The following RASGRF1 variants were observed in gnomAD, a reference collection of about 807,000 sequenced individuals.
RASGRF1 encodes Ras protein specific guanine nucleotide releasing factor 1, also known as ras-specific guanine nucleotide-releasing factor 1.
A neutral mutation model predicts 138.7 loss-of-function variants in RASGRF1; 40 were observed. The ratio of observed to expected loss-of-function variants is 0.29; its 90% confidence interval spans 0.22 to 0.38. The LOEUF (loss-of-function observed/expected upper bound fraction) is 0.38, where lower values mean the gene tolerates loss of function less well. Ranked by LOEUF, RASGRF1 falls within the 10% of genes least tolerant of loss-of-function variation. RASGRF1 has a pLI of 1.00. For missense variants in RASGRF1, 1,108 were observed against 1,650.4 expected, an observed-to-expected ratio of 0.67 and a Z score of 5.69; for synonymous variants, 614 against 663.2, an observed-to-expected ratio of 0.93 and a Z score of 1.14.
At position 78,962,225 on chromosome 15, in the gene RASGRF1, A is replaced by G. The variant is rs769619521; in HGVS notation, c.3693T>C (p.Tyr1231=). 14 of 1,566,002 alleles carry G rather than the reference A, an allele frequency of 8.9e-6. No homozygotes were observed. In the African/African-American group the frequency reaches 1.9e-4, roughly 21 times the overall value. The change falls in exon 27 of 27, where the codon TAT becomes TAC. Residue 1231 remains tyrosine, a synonymous_variant. Transcript: ENST00000558480. ...KIEHQAKVTQ[Y]LLDQSFVMDE... ...CCATTACAAAAGATTGGTCCAGTAA[A>G]TATTGCGTTACCTGAGAAAAGAAAA...
intron 1 of RASGRF1, among the ~76,000 whole-genome samples, chr15:79,072,142 C>T (rs2057765116): frequency 6.6e-6 from 1 of 152,082 alleles, no homozygotes; most frequent in Admixed American, 6.6e-5. Flanking sequence ...CAGCTCAGCT[C>T]CCTGGAGCTC....
At chr15:79,026,892 G>A (rs570974329) in intron 9 of RASGRF1, among the ~76,000 whole-genome samples, 12 of 152,186 alleles carry the variant, frequency 7.9e-5, no homozygotes, top group Non-Finnish European at 1.5e-4. Context: ...TCACAGGGTG[G>A]GCCTGGGGAA....
Position 79,090,451 on chromosome 15 carries a change from T to C in RASGRF1, c.48A>G (p.Gly16=), listed in dbSNP as rs1275861745. The change falls in exon 1 of 27, where the codon GGA becomes GGG. Residue 16 remains glycine (G), a synonymous_variant. Transcript: ENST00000558480. The part of the protein sequence containing the change: ...RLNDGHVASL[G]LLARKDGTRK... Reference sequence around the variant, plus strand: ...GCGTGCCGTCCTTGCGCGCCAGCAGTCCCAGGGACGCGACGTGGCCATCAT... The same window carrying C: ...GCGTGCCGTCCTTGCGCGCCAGCAGCCCCAGGGACGCGACGTGGCCATCAT... 1 of 1,612,974 alleles carries C rather than the reference T, an allele frequency of 6.2e-7. No homozygotes were observed. Among genetic ancestry groups the C allele is most frequent in the South Asian group, 1.1e-5 (1 of 91,080 alleles).
At chr15:78,992,470 T>A (rs3784528) in intron 20 of RASGRF1, among the ~76,000 whole-genome samples, 40,981 of 151,946 alleles carry the variant, frequency 0.27, 5,647 homozygotes, top group African/African-American at 0.33. Flanking sequence ...GATGGATGAG[T>A]GGTGGACATA....
At chr15:78,965,946 G>A (rs947393393) in intron 26 of RASGRF1, among the ~76,000 whole-genome samples, 9 of 152,148 alleles carry the variant, frequency 5.9e-5, no homozygotes, top group African/African-American at 1.9e-4. Context: ...GTGTTCCCTG[G>A]TCGACTGAGA....
Position 78,978,220 on chromosome 15 carries a change from G to GTTTT in RASGRF1, c.3494+2396_3494+2399dup, listed in dbSNP as rs71148584. On this transcript the variant is annotated intron_variant, in intron 24 of 26. Coordinates refer to ENST00000558480, the MANE Select transcript of RASGRF1 (RefSeq NM_001145648.3). Reference sequence around the variant, plus strand: ...CTTCTTTTTCTTTTTCTTTTCTTTTGTTTTTTTTTTTTTTTTTTTTTTTTG... The same window carrying GTTTT: ...CTTCTTTTTCTTTTTCTTTTCTTTTGTTTTTTTTTTTTTTTTTTTTTTTTTTTTG... 1.6e-3 allele frequency among the ~76,000 whole-genome samples: 198 copies of GTTTT among 125,054 alleles called. 1 individual carries two copies. The highest frequency in any genetic ancestry group is 3.9e-3 in the African/African-American group (98 of 24,816). The allele number at this position is 125,054 out of a possible 152,430, so 82.0% of individuals were successfully genotyped here. A position where few individuals can be genotyped will look rare whatever the true frequency, so the allele number is the denominator to read the frequency against.
chr15:79,077,209 G>A (rs910778970), intron 1 of RASGRF1, among the ~76,000 whole-genome samples: 3 of 152,174 alleles, frequency 2.0e-5, no homozygotes, highest in South Asian at 2.1e-4. Context: ...GGGCCCTGGG[G>A]TTGTGGGGTC....
At position 79,003,935 on chromosome 15, in the gene RASGRF1, G is replaced by A. The variant is rs2056608128; in HGVS notation, c.2316C>T (p.Ala772=). 3 of 1,614,224 alleles carry A rather than the reference G, an allele frequency of 1.9e-6. No homozygotes were observed. The South Asian group carries it at 3.3e-5, about 18-fold the overall frequency. Residue 772 remains alanine, a synonymous_variant, in exon 15 of 27, where the codon GCC becomes GCT. Coordinates refer to ENST00000558480, the MANE Select transcript of RASGRF1 (RefSeq NM_001145648.3). ...NSNGYTSMYS[A]MSPFSKATLD... ...GCGTGGCCTTGCTGAAGGGTGACAT[G>A]GCCGAGTACATGCTGGTGTAGCCAT...
intron 3 of RASGRF1, among the ~76,000 whole-genome samples, chr15:79,055,453 G>C (rs768327154): frequency 4.6e-5 from 7 of 152,126 alleles, no homozygotes; most frequent in Non-Finnish European, 1.0e-4. Context: ...TGGCCAGAAA[G>C]CTTTCCCAAG....
At chr15:79,064,581 G>A (rs1356247365) in intron 1 of RASGRF1, 55 bp from the exon 2 acceptor site, 1 of 1,525,316 alleles carries the variant, frequency 6.6e-7, no homozygotes, top group Non-Finnish European at 9.1e-7. Context: ...GACCAACAAC[G>A]ACTCTTGCAA....
In RASGRF1 at chr15:79,090,276, G is replaced by A. The variant is rs781512504; in HGVS notation, c.223C>T (p.Arg75Cys). ...LYLLEGCVCDRAPSPKPALSA... is the reference protein window; with the variant it reads ...LYLLEGCVCDCAPSPKPALSA... ...AGCGCCGGCTTGGGGGAGGGCGCGC[G>A]GTCGCAGACGCAGCCCTCCAGCAGG... Residue 75 changes from arginine (R) to cysteine (C), a missense_variant, in exon 1 of 27, where the codon CGC (arginine) becomes TGC (cysteine). By Grantham distance (180) the Arg-to-Cys change is radical. Transcript: ENST00000558480. The A allele has an allele frequency of 6.2e-7, 1 of 1,611,828 alleles. No individual in the cohort carries two copies. The highest frequency in any genetic ancestry group is 1.1e-5 in the South Asian group (1 of 91,058).
At chr15:78,996,522 C>A (rs1352718485) in intron 19 of RASGRF1, among the ~76,000 whole-genome samples, 1 of 152,098 alleles carries the variant, frequency 6.6e-6, no homozygotes, top group Non-Finnish European at 1.5e-5. Context: ...AGGAAACGGC[C>A]CCTCAGGGAA....
In RASGRF1 at chr15:79,003,775, G is replaced by A. The variant is rs538233966; in HGVS notation, c.2449+27C>T. ...CCTCAGTGGGGCTGGGAGGCTGGGG[G>A]GCAGCTCCGACGGCATGGCCACTCA... On this transcript the variant is annotated intron_variant, in intron 15 of 26. Transcript: ENST00000558480. 55 of 1,557,358 alleles carry A rather than the reference G, an allele frequency of 3.5e-5. No homozygotes were observed. In the East Asian group the frequency reaches 8.8e-4, roughly 25 times the overall value.
chr15:78,997,879 G>A, intron 19 of RASGRF1: 3 of 572,796 alleles, frequency 5.2e-6, no homozygotes, highest in Non-Finnish European at 9.4e-6. Flanking sequence ...ATCAAGGTCT[G>A]GCGCAGGGTG....
intron 3 of RASGRF1, among the ~76,000 whole-genome samples, chr15:79,057,623 T>C (rs952984432): frequency 6.6e-6 from 1 of 152,214 alleles, no homozygotes; most frequent in Non-Finnish European, 1.5e-5. Flanking sequence ...GAGGGGCATC[T>C]AAGGGACTAA....
At chr15:79,020,943 C>CTCTCTTGCTG (rs1208974285) in intron 10 of RASGRF1, among the ~76,000 whole-genome samples, 1 of 152,222 alleles carries the variant, frequency 6.6e-6, no homozygotes, top group Non-Finnish European at 1.5e-5. Flanking sequence ...CTCCTGCTTG[C>CTCTCTTGCTG]TCTCTTGCTG....
At chr15:78,995,877 C>T (rs187705827) in intron 19 of RASGRF1, 77 bp from the exon 20 acceptor site, 86 of 1,418,086 alleles carry the variant, frequency 6.1e-5, no homozygotes, top group South Asian at 5.0e-4. Context: ...CAGCCCCACA[C>T]GGCCTCTGCT....
intron 1 of RASGRF1, among the ~76,000 whole-genome samples, chr15:79,068,183 G>A (rs754565932): frequency 4.6e-5 from 7 of 152,150 alleles, no homozygotes; most frequent in Non-Finnish European, 1.0e-4. Flanking sequence ...AGGTGGGTGT[G>A]AGGTGTCTCT....
At chr15:78,981,772 C>G (rs1364445242) in intron 23 of RASGRF1, 2 of 152,280 alleles carry the variant, frequency 1.3e-5, no homozygotes, top group Non-Finnish European at 2.9e-5. Context: ...CAGCTGTATT[C>G]TGGATCTGGT....
Sources: gnomAD v4.1 joint callset for allele counts (sites outside exome capture counted in the v4.1 genomes callset) on GRCh38, gnomAD v4.1.1 for gene constraint, MANE v1.5 for transcripts, NCBI Gene and HGNC (gene_info 2026-07-23, HGNC 2026-07-21) for gene names.